The following CNTNAP5 variants were observed in gnomAD, a reference collection of about 807,000 sequenced individuals.
CNTNAP5 encodes contactin associated protein family member 5.
A neutral mutation model predicts 150.2 loss-of-function variants in CNTNAP5; 72 were observed. The observed-to-expected ratio is 0.48, with a 90% CI of 0.40 to 0.58. The LOEUF is 0.58. Among genes scored for constraint, CNTNAP5 ranks in the 20% least tolerant of loss-of-function variants. CNTNAP5 has a pLI of 0.00. For missense variants in CNTNAP5, 1,636 were observed against 1,626.2 expected, an observed-to-expected ratio of 1.01 and a Z score of -0.10; for synonymous variants, 672 against 619.8, an observed-to-expected ratio of 1.08 and a Z score of -1.25.
rs1410583747 is a variant in CNTNAP5, at chr2:124,599,480, ATT to A, written c.1757-10318_1757-10317del. ...TCTGTTTGCTGACACTATATTTAAA[ATT>A]TTGTGATTGATATTCATGAGTGATT... is the stretch of plus-strand genomic sequence containing the variant. On this transcript the variant is annotated intron_variant, in intron 11 of 23. Transcript: ENST00000682447. Among the ~76,000 whole-genome samples, 9 of 152,258 alleles carry A rather than the reference ATT, an allele frequency of 5.9e-5. No individual in the cohort carries two copies. The East Asian group carries it at 1.7e-3, about 29-fold the overall frequency.
At chr2:124,204,066 A>T (rs1211867717) in intron 1 of CNTNAP5, among the ~76,000 whole-genome samples, 1 of 152,140 alleles carries the variant, frequency 6.6e-6, no homozygotes, top group East Asian at 1.9e-4. Context: ...TCCAATTCCA[A>T]ATCATATCTT....
intron 19 of CNTNAP5, among the ~76,000 whole-genome samples, chr2:124,850,258 G>T (rs941557741): frequency 6.6e-6 from 1 of 152,078 alleles, no homozygotes; most frequent in Non-Finnish European, 1.5e-5. Context: ...TGTAAAATAA[G>T]GTCTTAACAG....
At chr2:124,221,361 G>T (rs1190411511) in intron 1 of CNTNAP5, among the ~76,000 whole-genome samples, 1 of 152,074 alleles carries the variant, frequency 6.6e-6, no homozygotes, top group Non-Finnish European at 1.5e-5. Context: ...TAATTTGAGG[G>T]TTTGCTCAAG....
chr2:124,676,720 G>A (rs995322748), intron 13 of CNTNAP5, among the ~76,000 whole-genome samples: 4 of 152,304 alleles, frequency 2.6e-5, no homozygotes, highest in South Asian at 4.1e-4. Context: ...GGCTGCCATG[G>A]AGCTAAGTGA....
At chr2:124,262,886 G>A (rs1687495040) in intron 3 of CNTNAP5, among the ~76,000 whole-genome samples, 2 of 145,212 alleles carry the variant, frequency 1.4e-5, no homozygotes, top group African/African-American at 2.6e-5. Context: ...ACCTATGAGT[G>A]AGCACATGTG....
chr2:124,695,129 C>G (rs1164571674), intron 13 of CNTNAP5, among the ~76,000 whole-genome samples: 1 of 152,096 alleles, frequency 6.6e-6, no homozygotes, highest in Non-Finnish European at 1.5e-5. Context: ...AACAATACAT[C>G]AGGCCATGAT....
At chr2:124,603,118 A>G (rs1023394999) in intron 11 of CNTNAP5, among the ~76,000 whole-genome samples, 1 of 151,320 alleles carries the variant, frequency 6.6e-6, no homozygotes, top group Non-Finnish European at 1.5e-5. Flanking sequence ...TTAGGGTCTA[A>G]ACAAGATCTA....
intron 14 of CNTNAP5, 42 bp downstream of exon 14, chr2:124,747,427 C>A: frequency 3.1e-6 from 5 of 1,606,970 alleles, no homozygotes; most frequent in Non-Finnish European, 4.3e-6. Flanking sequence ...AGAGAAAGCA[C>A]ATTAATTGAT....
chr2:124,335,916 A>G (rs1336859039), intron 3 of CNTNAP5, among the ~76,000 whole-genome samples: 1 of 152,094 alleles, frequency 6.6e-6, no homozygotes, highest in Non-Finnish European at 1.5e-5. Context: ...CGGATAACAT[A>G]ATGATTAATA....
intron 7 of CNTNAP5, among the ~76,000 whole-genome samples, chr2:124,489,076 C>T (rs113790272): frequency 1.3e-5 from 2 of 152,306 alleles, no homozygotes; most frequent in African/African-American, 4.8e-5. Flanking sequence ...ACAATGAACT[C>T]GTTCTTTCTG....
intron 7 of CNTNAP5, among the ~76,000 whole-genome samples, chr2:124,488,092 ATACT>A (rs1693932103): frequency 6.6e-6 from 1 of 152,240 alleles, no homozygotes; most frequent in Non-Finnish European, 1.5e-5. Context: ...TGAAAAAATA[ATACT>A]TATAGATTAT....
At chr2:124,094,845 G>A (rs373089083) in intron 1 of CNTNAP5, among the ~76,000 whole-genome samples, 2 of 152,120 alleles carry the variant, frequency 1.3e-5, no homozygotes, top group East Asian at 1.9e-4. Flanking sequence ...ACTGATAAGA[G>A]ATGACTGCTT....
intron 3 of CNTNAP5, among the ~76,000 whole-genome samples, chr2:124,400,201 T>C (rs1281342343): frequency 6.6e-6 from 1 of 152,016 alleles, no homozygotes; most frequent in Non-Finnish European, 1.5e-5. Flanking sequence ...CTTGAGATTT[T>C]AGGAGAAGAC....
chr2:124,385,595 A>G (rs1275182179), intron 3 of CNTNAP5, among the ~76,000 whole-genome samples: 1 of 152,214 alleles, frequency 6.6e-6, no homozygotes, highest in African/African-American at 2.4e-5. Context: ...TTGCTGCATA[A>G]GTAGGCACAG....
chr2:124,538,653 AGAAG>A (rs1379644304), intron 10 of CNTNAP5, among the ~76,000 whole-genome samples: 2 of 152,096 alleles, frequency 1.3e-5, no homozygotes, highest in African/African-American at 4.8e-5. Context: ...GAAAGGAAAA[AGAAG>A]GAAGGAAAGA....
At chr2:124,850,162 C>T (rs186548903) in intron 19 of CNTNAP5, among the ~76,000 whole-genome samples, 97 of 152,178 alleles carry the variant, frequency 6.4e-4, no homozygotes, top group Middle Eastern at 3.4e-3. Context: ...GATATTTTAA[C>T]GATATTGGTA....
chr2:124,108,993 T>C (rs1402319085), intron 1 of CNTNAP5, among the ~76,000 whole-genome samples: 1 of 152,028 alleles, frequency 6.6e-6, no homozygotes, highest in Non-Finnish European at 1.5e-5. Flanking sequence ...ACATAAGAGC[T>C]TTCCAGAGAT....
At position 124,639,939 on chromosome 2, in the gene CNTNAP5, C is replaced by T. The variant is rs112026846; in HGVS notation, c.1877-7819C>T. ...GGTATCTTGTTCCCACCCACTCCCC[C>T]CTTTGCTGCTGCAGATACTCTTCCC... On this transcript the variant is annotated intron_variant, in intron 12 of 23. Coordinates refer to ENST00000682447, the MANE Select transcript of CNTNAP5 (RefSeq NM_001367498.1). 4.6e-5 allele frequency among the ~76,000 whole-genome samples: 7 copies of T among 152,178 alleles called. No individual in the cohort carries two copies. In the East Asian group the frequency reaches 5.8e-4, roughly 13 times the overall value.
intron 1 of CNTNAP5, among the ~76,000 whole-genome samples, chr2:124,069,495 A>T (rs1269791120): frequency 6.6e-6 from 1 of 152,244 alleles, no homozygotes; most frequent in Non-Finnish European, 1.5e-5. Context: ...TTGAATAAAC[A>T]TAGGTGGTAG....
Sources: allele counts gnomAD v4.1 joint callset (sites outside exome capture counted in the v4.1 genomes callset), GRCh38; gene constraint gnomAD v4.1.1; transcripts MANE v1.5; gene names NCBI Gene and HGNC (gene_info 2026-07-23, HGNC 2026-07-21).